Variants in OTOGL observed in about 807,000 individuals in gnomAD.
OTOGL encodes otogelin-like protein.
Under a neutral mutation model 318.5 loss-of-function variants are expected in OTOGL, and 285 were observed. That is an observed-to-expected ratio of 0.89 (90% CI 0.81 to 0.99). The LOEUF (loss-of-function observed/expected upper bound fraction) is 0.99, where lower values mean the gene tolerates loss of function less well. OTOGL is among the 50% of genes least tolerant of loss of function. The pLI is 0.00. For missense variants in OTOGL, 2,899 were observed against 2,845.6 expected (o/e 1.02, Z -0.43); for synonymous variants, 987 against 936.5 (o/e 1.05, Z -0.99).
At position 80,178,036 on chromosome 12, in the gene OTOGL, TATTCTTTTC is replaced by T. The variant is rs1874644136; in HGVS notation, c.-19-31376_-19-31368del. Among the ~76,000 whole-genome samples the T allele has an allele frequency of 2.7e-5, 4 of 150,006 alleles. No homozygotes were observed. The East Asian group carries it at 7.9e-4, about 30-fold the overall frequency. ...TAGTTTTTTTCTGTTTTTTCTATTC[TATTCTTTTC>T]TTTCTTTCTTTCTTTCTTTTTTTTT... On this transcript the variant is annotated intron_variant, in intron 1 of 58. Coordinates refer to ENST00000547103, the MANE Select transcript of OTOGL (RefSeq NM_001378609.3).
At chr12:80,109,750 CACTGATG>C (rs1391680939) in intron 1 of OTOGL, among the ~76,000 whole-genome samples, 2 of 152,142 alleles carry the variant, frequency 1.3e-5, no homozygotes, top group African/African-American at 4.8e-5. Context: ...ACTGGAATAG[CACTGATG>C]ACTGATGACC....
chr12:80,349,032 C>T (rs766196681), intron 44 of OTOGL, among the ~76,000 whole-genome samples: 24 of 151,936 alleles, frequency 1.6e-4, no homozygotes, highest in Non-Finnish European at 2.6e-4. Flanking sequence ...AAGTGTTCAT[C>T]AGTTAATAAG....
chr12:80,256,498 A>AAACAAACC, intron 17 of OTOGL, 38 bp downstream of exon 17: 1 of 1,477,150 alleles, frequency 6.8e-7, no homozygotes, highest in Non-Finnish European at 9.0e-7. Context: ...TCTTTACATC[A>AAACAAACC]AACAAACAAA....
intron 57 of OTOGL, among the ~76,000 whole-genome samples, chr12:80,375,982 C>T (rs1490197143): frequency 1.3e-5 from 2 of 151,842 alleles, no homozygotes; most frequent in Non-Finnish European, 2.9e-5. Flanking sequence ...ACCAGGTGAG[C>T]TCAGGAAGCC....
At position 80,320,566 on chromosome 12, in the gene OTOGL, G is replaced by A; in HGVS notation, c.3947G>A (p.Trp1316Ter). ...ACATTTTTCCACCATCAGGGCCTCT[G>A]GATTCCTGGTTACAGTGCATTTGAG... ...RATFFHHQGL[W>*]IPGYSAFELY... Residue 1316 changes from tryptophan (W) to a stop codon, truncating the protein, a stop_gained, in exon 34 of 59, where the codon TGG (tryptophan) becomes TAG (stop). Transcript: ENST00000547103. LOFTEE classifies it high-confidence loss of function. 1 of 1,613,446 alleles carries A rather than the reference G, an allele frequency of 6.2e-7. No individual in the cohort carries two copies. The highest frequency in any genetic ancestry group is 8.5e-7 in the Non-Finnish European group (1 of 1,179,660).
intron 1 of OTOGL, among the ~76,000 whole-genome samples, chr12:80,119,871 A>C (rs1302446950): frequency 2.0e-5 from 3 of 152,154 alleles, no homozygotes; most frequent in Non-Finnish European, 2.9e-5. Flanking sequence ...TTCAGGGACT[A>C]CTGAATACCT....
intron 48 of OTOGL, 30 bp downstream of exon 48, chr12:80,356,550 G>A: frequency 6.8e-7 from 1 of 1,474,358 alleles, no homozygotes; most frequent in Non-Finnish European, 9.4e-7. Context: ...AATTAAGAGT[G>A]AGGTTCATTG....
intron 46 of OTOGL, among the ~76,000 whole-genome samples, chr12:80,355,214 T>C (rs1258706705): frequency 9.7e-6 from 1 of 102,844 alleles, no homozygotes; most frequent in Non-Finnish European, 1.8e-5. Context: ...TTTCTTTTCT[T>C]TCTTTCTTTC....
intron 1 of OTOGL, among the ~76,000 whole-genome samples, chr12:80,193,141 G>A (rs1875813024): frequency 6.6e-6 from 1 of 152,100 alleles, no homozygotes. Flanking sequence ...TTTTCTTTAA[G>A]ACAAAGAATT....
At chr12:80,307,588 G>C (rs1309825119) in intron 29 of OTOGL, among the ~76,000 whole-genome samples, 1 of 144,002 alleles carries the variant, frequency 6.9e-6, no homozygotes, top group African/African-American at 2.6e-5. Context: ...CTCCCTCCTG[G>C]ACGGGGCGGC....
intron 26 of OTOGL, among the ~76,000 whole-genome samples, chr12:80,289,761 G>A (rs778042614): frequency 1.3e-5 from 2 of 152,260 alleles, no homozygotes; most frequent in South Asian, 2.1e-4. Flanking sequence ...AAGGTCAATC[G>A]TCCCAGGTTA....
intron 1 of OTOGL, among the ~76,000 whole-genome samples, chr12:80,182,646 A>G: frequency 6.6e-6 from 1 of 152,134 alleles, no homozygotes; most frequent in South Asian, 2.1e-4. Flanking sequence ...TCTAGAAGGA[A>G]GATTATGAAT....
chr12:80,155,846 C>T (rs1002356868), intron 1 of OTOGL, among the ~76,000 whole-genome samples: 7 of 152,102 alleles, frequency 4.6e-5, no homozygotes, highest in African/African-American at 1.7e-4. Flanking sequence ...TTTTAAATAC[C>T]ACAGATAAGT....
chr12:80,373,073 A>G (rs915366685), intron 57 of OTOGL, among the ~76,000 whole-genome samples: 9 of 152,134 alleles, frequency 5.9e-5, no homozygotes, highest in Non-Finnish European at 1.3e-4. Flanking sequence ...ATCTCAATAT[A>G]AAAATAGAAA....
intron 1 of OTOGL, among the ~76,000 whole-genome samples, chr12:80,191,944 A>G (rs1329531357): frequency 2.0e-5 from 3 of 152,182 alleles, no homozygotes; most frequent in East Asian, 3.8e-4. Flanking sequence ...ATTTCATTCA[A>G]TTTTGCTTTC....
At chr12:80,212,226 A>C (rs967006775) in intron 4 of OTOGL, among the ~76,000 whole-genome samples, 7 of 151,664 alleles carry the variant, frequency 4.6e-5, no homozygotes, top group Non-Finnish European at 7.4e-5. Flanking sequence ...TTTTTTTGCT[A>C]TTCAGCTCAG....
chr12:80,273,400 T>A (rs974235754), intron 24 of OTOGL, among the ~76,000 whole-genome samples: 1 of 152,072 alleles, frequency 6.6e-6, no homozygotes, highest in Non-Finnish European at 1.5e-5. Flanking sequence ...ATAACCCTAA[T>A]TGAGAAATCA....
Position 80,238,840 on chromosome 12 carries a change from G to A in OTOGL, c.818-11G>A. ...TTTGTGTGTGTGTGTGTGTGTGCCT[G>A]TGTGAAATAGAGGACTATACAGAAG... On this transcript the variant is annotated splice_polypyrimidine_tract_variant and intron_variant, in intron 9 of 58. Transcript: ENST00000547103. 1 of 1,525,460 alleles carries A rather than the reference G, an allele frequency of 6.6e-7. No individual in the cohort carries two copies. 94.5% of individuals were successfully genotyped at this position (1,525,460 alleles called of 1,614,324 possible). A position where few individuals can be genotyped will look rare whatever the true frequency, so the allele number is the denominator to read the frequency against.
At chr12:80,256,603 C>G in intron 17 of OTOGL, 143 bp downstream of exon 17, 1 of 1,258,060 alleles carries the variant, frequency 7.9e-7, no homozygotes, top group Non-Finnish European at 1.1e-6. Context: ...TGTCATCAGG[C>G]CATCAGCTAC....
Sources: allele counts gnomAD v4.1 joint callset (sites outside exome capture counted in the v4.1 genomes callset), GRCh38; gene constraint gnomAD v4.1.1; transcripts MANE v1.5; gene names NCBI Gene and HGNC (gene_info 2026-07-23, HGNC 2026-07-21).